Variants in GALNT16 observed in about 807,000 individuals in gnomAD.
The protein encoded by GALNT16 is polypeptide N-acetylgalactosaminyltransferase 16.
A neutral mutation model predicts 76.1 loss-of-function variants in GALNT16; 40 were observed. That is an observed-to-expected ratio of 0.53 (90% CI 0.41 to 0.68). The LOEUF is 0.68. Ranked by LOEUF, GALNT16 falls within the 30% of genes least tolerant of loss-of-function variation. The probability of loss-of-function intolerance (pLI) is 0.00; values close to 1 mark genes in which losing one functional copy is unlikely to be tolerated. For synonymous variants in GALNT16, 276 were observed against 285.2 expected, an observed-to-expected ratio of 0.97 and a Z score of 0.32; for missense variants, 621 against 731.9, an observed-to-expected ratio of 0.85 and a Z score of 1.75.
intron 1 of GALNT16, among the ~76,000 whole-genome samples, chr14:69,304,704 T>C (rs2044906283): frequency 6.6e-6 from 1 of 152,250 alleles, no homozygotes; most frequent in South Asian, 2.1e-4. Flanking sequence ...ATACTTTAAA[T>C]AAGTGGAATC....
At chr14:69,291,842 T>C (rs2044690843) in intron 1 of GALNT16, among the ~76,000 whole-genome samples, 1 of 152,160 alleles carries the variant, frequency 6.6e-6, no homozygotes, top group Non-Finnish European at 1.5e-5. Context: ...CCGTGTGAAA[T>C]TGCTTTGCAA....
intron 7 of GALNT16, among the ~76,000 whole-genome samples, chr14:69,332,845 G>A (rs2045370568): frequency 9.1e-6 from 1 of 109,814 alleles, no homozygotes; most frequent in Non-Finnish European, 1.9e-5. Context: ...TTTTTTTTTA[G>A]TACTTTCATC....
intron 5 of GALNT16, among the ~76,000 whole-genome samples, chr14:69,328,008 G>A (rs891046931): frequency 3.9e-5 from 6 of 152,160 alleles, no homozygotes; most frequent in Non-Finnish European, 8.8e-5. Context: ...GTAAGGAAAG[G>A]GGCTGCCATA....
At chr14:69,303,984 G>A (rs964221171) in intron 1 of GALNT16, among the ~76,000 whole-genome samples, 6 of 152,032 alleles carry the variant, frequency 3.9e-5, no homozygotes, top group African/African-American at 1.4e-4. Context: ...GTTAAAAAAT[G>A]TTGATTTCTG....
chr14:69,328,858 A>G (rs1027031754), intron 6 of GALNT16, among the ~76,000 whole-genome samples: 1 of 152,188 alleles, frequency 6.6e-6, no homozygotes, highest in Non-Finnish European at 1.5e-5. Flanking sequence ...TTGGAGAGTT[A>G]GGATCCTGTG....
chr14:69,322,925 G>GGGGGTGTGTGTGTGTGT (rs797021875), intron 2 of GALNT16, among the ~76,000 whole-genome samples: 1 of 103,780 alleles, frequency 9.6e-6, no homozygotes, highest in African/African-American at 3.9e-5. Context: ...TGGCTCACGG[G>GGGGGTGTGTGTGTGTGT]GTGTGTGTGT....
intron 1 of GALNT16, among the ~76,000 whole-genome samples, chr14:69,292,993 C>A (rs1184400367): frequency 6.6e-6 from 1 of 152,214 alleles, no homozygotes; most frequent in Non-Finnish European, 1.5e-5. Context: ...ATTGACTGAA[C>A]CTATTAATCC....
chr14:69,285,509 A>T (rs1026696161), intron 1 of GALNT16, among the ~76,000 whole-genome samples: 51 of 152,168 alleles, frequency 3.4e-4, no homozygotes, highest in African/African-American at 1.2e-3. Flanking sequence ...CAGTGAGGTC[A>T]TGCTGATAGC....
At chr14:69,325,918 A>G in intron 4 of GALNT16, 44 bp from the exon 5 acceptor site, 1 of 1,501,470 alleles carries the variant, frequency 6.7e-7, no homozygotes, top group Non-Finnish European at 9.3e-7. Flanking sequence ...TAGTGGCCTG[A>G]TGCCCATGTC....
At chr14:69,350,688 ATC>A (rs1321974564) in intron 14 of GALNT16, 1 of 152,222 alleles carries the variant, frequency 6.6e-6, no homozygotes, top group East Asian at 1.9e-4. Flanking sequence ...GGGTGGGCTC[ATC>A]TCTCTCCCCT....
At chr14:69,260,107 A>C, upstream of GALNT16, 1 of 510,396 alleles carries the variant, frequency 2.0e-6, no homozygotes. Flanking sequence ...GACCGTGAGG[A>C]TCGCTCCGCG....
intron 1 of GALNT16, among the ~76,000 whole-genome samples, chr14:69,312,980 C>T (rs2045049586): frequency 6.6e-6 from 1 of 152,172 alleles, no homozygotes. Context: ...ATTTTGGTCC[C>T]GGCTAAGCCA....
At chr14:69,365,100 C>G in the GALNT16 span, among the ~76,000 whole-genome samples, 1 of 152,082 alleles carries the variant, frequency 6.6e-6, no homozygotes, top group Non-Finnish European at 1.5e-5. Context: ...CTCTTTATGT[C>G]CCCTTAAATA....
At chr14:69,322,399 A>G (rs189252543) in intron 2 of GALNT16, among the ~76,000 whole-genome samples, 4 of 152,246 alleles carry the variant, frequency 2.6e-5, no homozygotes, top group South Asian at 2.1e-4. Flanking sequence ...GTTGGCCCCA[A>G]TCTGTGAATT....
chr14:69,288,150 C>G (rs2044639887), intron 1 of GALNT16, among the ~76,000 whole-genome samples: 1 of 152,200 alleles, frequency 6.6e-6, no homozygotes, highest in South Asian at 2.1e-4. Flanking sequence ...GTGACCTGGA[C>G]AGCCGCCTAG....
chr14:69,308,963 C>T (rs964455205), intron 1 of GALNT16, among the ~76,000 whole-genome samples: 6 of 152,154 alleles, frequency 3.9e-5, no homozygotes, highest in Non-Finnish European at 7.4e-5. Flanking sequence ...ATTAGCAAGA[C>T]ATTATGTCTC....
Position 69,331,442 on chromosome 14 carries a change from CCATCTCA to C in GALNT16, c.691-15_691-9del. The C allele has an allele frequency of 7.2e-7, 1 of 1,386,796 alleles. No homozygotes were observed. The highest frequency in any genetic ancestry group is 1.0e-6 in the Non-Finnish European group (1 of 972,944). 85.9% of individuals were successfully genotyped at this position (1,386,796 alleles called of 1,614,324 possible). On this transcript the variant is annotated splice_polypyrimidine_tract_variant and intron_variant, in intron 6 of 14. Transcript: ENST00000448469. ...CTGCAGAGAAGTCCCAGGCCTCACA[CCATCTCA>C]CATCTCTCTCCTAGGACCACACCCG... is the stretch of plus-strand genomic sequence containing the variant.
chr14:69,306,914 G>T (rs1176709531), intron 1 of GALNT16, among the ~76,000 whole-genome samples: 1 of 152,194 alleles, frequency 6.6e-6, no homozygotes, highest in East Asian at 1.9e-4. Flanking sequence ...AGTATTCAAA[G>T]ATATTAGGTA....
intron 1 of GALNT16, among the ~76,000 whole-genome samples, chr14:69,303,580 T>C (rs746255728): frequency 1.3e-5 from 2 of 152,098 alleles, no homozygotes; most frequent in Non-Finnish European, 2.9e-5. Context: ...TCTGAAAAGA[T>C]TTTTTCCCAC....
Sources: allele counts gnomAD v4.1 joint callset (sites outside exome capture counted in the v4.1 genomes callset), GRCh38; gene constraint gnomAD v4.1.1; transcripts MANE v1.5; gene names NCBI Gene and HGNC (gene_info 2026-07-23, HGNC 2026-07-21).